NRG4: variants seen among roughly 807,000 people sequenced by gnomAD.
NRG4 encodes the protein neuregulin 4.
Under a neutral mutation model 15.0 loss-of-function variants are expected in NRG4, and 10 were observed. That is an observed-to-expected ratio of 0.67 (90% CI 0.41 to 1.13). The LOEUF is 1.13. Among genes scored for constraint, NRG4 ranks in the 50% most tolerant of loss-of-function variants. The pLI, the probability that NRG4 is intolerant of heterozygous loss-of-function variation, is 0.00. For missense variants in NRG4, 139 were observed against 140.2 expected, an observed-to-expected ratio of 0.99 and a Z score of 0.04; for synonymous variants, 41 against 50.1, an observed-to-expected ratio of 0.82 and a Z score of 0.77.
intron 3 of NRG4, among the ~76,000 whole-genome samples, chr15:75,993,947 T>G (rs1445061583): frequency 6.6e-6 from 1 of 152,184 alleles, no homozygotes; most frequent in Non-Finnish European, 1.5e-5. Context: ...TCCTTAAGAT[T>G]TAAAATTATT....
At chr15:76,009,112 C>A in intron 3 of NRG4, 88 bp downstream of exon 3, 1 of 765,236 alleles carries the variant, frequency 1.3e-6, no homozygotes, top group East Asian at 2.5e-5. Flanking sequence ...TCATCTTACA[C>A]TTTTTGTTTA....
At chr15:76,039,533 T>C (rs2035679541) in intron 4 of NRG4, among the ~76,000 whole-genome samples, 1 of 152,112 alleles carries the variant, frequency 6.6e-6, no homozygotes. Context: ...AGACAGAATT[T>C]GTGAGCTTGA....
intron 3 of NRG4, among the ~76,000 whole-genome samples, chr15:75,984,346 A>G (rs981249656): frequency 6.6e-6 from 1 of 152,080 alleles, no homozygotes; most frequent in Non-Finnish European, 1.5e-5. Flanking sequence ...TGTGAACCTA[A>G]AACTGCCCTT....
At chr15:75,974,977 G>C (rs1430314313) in intron 3 of NRG4, among the ~76,000 whole-genome samples, 1 of 152,064 alleles carries the variant, frequency 6.6e-6, no homozygotes, top group African/African-American at 2.4e-5. Context: ...ATTATTGTGT[G>C]GGAGTCTAAG....
At chr15:76,050,812 T>C (rs923331473) in intron 4 of NRG4, among the ~76,000 whole-genome samples, 1 of 147,678 alleles carries the variant, frequency 6.8e-6, no homozygotes, top group Admixed American at 6.7e-5. Flanking sequence ...AAACTAATTT[T>C]TTTTTTTTTA....
chr15:75,940,415 A>G (rs551998692), downstream of NRG4: 1 of 151,812 alleles, frequency 6.6e-6, no homozygotes, highest in Admixed American at 6.6e-5. Context: ...ACTCAAAGTG[A>G]TGTGCAGATT....
In NRG4 at chr15:75,943,548, G is replaced by A. The variant is rs1482147787; in HGVS notation, c.*90C>T. On this transcript the variant is annotated 3_prime_UTR_variant, in exon 6 of 6. Transcript: ENST00000394907. Reference sequence around the variant, plus strand: ...ACAAGCGTTTTATTTAAGAAATAAAGGATTAGATTTTTAATTCTTTTACCT... The same window carrying A: ...ACAAGCGTTTTATTTAAGAAATAAAAGATTAGATTTTTAATTCTTTTACCT... The A allele has an allele frequency of 7.5e-6, 6 of 802,828 alleles. No homozygotes were observed. Among genetic ancestry groups the A allele is most frequent in the Non-Finnish European group, 6.4e-6 (3 of 469,310 alleles). 49.7% of individuals were successfully genotyped at this position (802,828 alleles called of 1,614,324 possible).
intron 5 of NRG4, among the ~76,000 whole-genome samples, chr15:76,019,666 G>A (rs2035092277): frequency 6.6e-6 from 1 of 152,130 alleles, no homozygotes; most frequent in Admixed American, 6.5e-5. Context: ...GCCCTCTGTG[G>A]GCTGCACCCA....
chr15:76,054,160 T>C (rs750867309), intron 2 of NRG4, among the ~76,000 whole-genome samples: 10 of 150,480 alleles, frequency 6.6e-5, no homozygotes, highest in Non-Finnish European at 1.3e-4. Flanking sequence ...CAACCTTGGC[T>C]TACTGCAACC....
At chr15:75,987,168 A>G (rs2033828445) in intron 3 of NRG4, among the ~76,000 whole-genome samples, 9 of 152,198 alleles carry the variant, frequency 5.9e-5, no homozygotes, top group Admixed American at 5.9e-4. Flanking sequence ...TATTTCAATC[A>G]CTAACTCAGA....
At chr15:76,015,994 T>C (rs1002440153), upstream of NRG4, among the ~76,000 whole-genome samples, 2 of 152,210 alleles carry the variant, frequency 1.3e-5, no homozygotes, top group Non-Finnish European at 2.9e-5. Flanking sequence ...TTTTGGTTGG[T>C]AGGCTATTAA....
At chr15:75,975,950 C>G (rs1201608158) in intron 3 of NRG4, among the ~76,000 whole-genome samples, 2 of 152,158 alleles carry the variant, frequency 1.3e-5, no homozygotes, top group African/African-American at 2.4e-5. Context: ...AGAGTGTTTT[C>G]CAACTTGGTT....
Position 76,011,227 on chromosome 15 carries a change from G to T in NRG4, c.4C>A (p.Pro2Thr). The change falls in exon 2 of 6, where the codon CCA becomes ACA. Residue 2 changes from proline to threonine, a missense_variant. Transcript: ENST00000394907. ...TAAATATATAAGAAATTACCTGTTG[G>T]CATCTTAATTTGTAAATAGTTTCAT... MPTDHEEPCGPS... is the reference protein window; with the variant it reads MTTDHEEPCGPS... 1 of 1,449,222 alleles carries T rather than the reference G, an allele frequency of 6.9e-7. No individual in the cohort carries two copies. Among genetic ancestry groups the T allele is most frequent in the Non-Finnish European group, 9.2e-7 (1 of 1,091,558 alleles). The allele number at this position is 1,449,222 out of a possible 1,614,324, so 89.8% of individuals were successfully genotyped here.
intron 3 of NRG4, among the ~76,000 whole-genome samples, chr15:75,971,838 C>T (rs538489030): frequency 3.1e-4 from 47 of 152,120 alleles, no homozygotes; most frequent in African/African-American, 7.0e-4. Flanking sequence ...TACGTGTGCA[C>T]GTGCCTTTAT....
chr15:76,028,825 G>A lies in NRG4; in HGVS notation c.-57+7119C>T, dbSNP rs546560314. The stretch of plus-strand genomic sequence containing the variant: ...TGAGGCAGGAGAATTGCCTGAACCC[G>A]GGAGGGGAAGGTAGGTTGCAGTGAA... On this transcript the variant is annotated intron_variant, in intron 5 of 8. Transcript: ENST00000563910. 9.4e-4 allele frequency among the ~76,000 whole-genome samples: 142 copies of A among 151,220 alleles called. 4 individuals carry two copies. The highest frequency in any genetic ancestry group is 1.3e-4 in the Non-Finnish European group (9 of 67,776).
rs1302579888 is a variant in NRG4, at chr15:75,941,614, C to G, written c.*2024G>C. The G allele has an allele frequency of 6.6e-6, 1 of 152,120 alleles. No homozygotes were observed. Among genetic ancestry groups the G allele is most frequent in the African/African-American group, 2.4e-5 (1 of 41,422 alleles). The allele number at this position is 152,120 out of a possible 1,614,324, so 9.4% of individuals were successfully genotyped here. ...CATAAAAAGGAAATCCTTCTACATA[C>G]TACATCATGGATGAACCTTTCAGAC... On this transcript the variant is annotated 3_prime_UTR_variant, in exon 6 of 6. Coordinates refer to ENST00000394907, the MANE Select transcript of NRG4 (RefSeq NM_138573.4).
At chr15:76,052,623 T>C (rs1200491115) in intron 3 of NRG4, among the ~76,000 whole-genome samples, 1 of 151,136 alleles carries the variant, frequency 6.6e-6, no homozygotes, top group Non-Finnish European at 1.5e-5. Flanking sequence ...TCTTGTCATT[T>C]TAATAAGGTG....
intron 3 of NRG4, among the ~76,000 whole-genome samples, chr15:75,976,803 G>A (rs148377677): frequency 0.018 from 2,816 of 152,314 alleles, 45 homozygotes; most frequent in Middle Eastern, 0.058. Context: ...AGGAGGCATG[G>A]GGGTCAGGGA....
intron 3 of NRG4, among the ~76,000 whole-genome samples, chr15:75,975,219 C>A (rs1180044293): frequency 2.6e-5 from 4 of 152,054 alleles, no homozygotes; most frequent in African/African-American, 2.4e-5. Flanking sequence ...ATTCCTCCAT[C>A]CCTTTATTTT....
Sources: allele counts gnomAD v4.1 joint callset (sites outside exome capture counted in the v4.1 genomes callset), GRCh38; gene constraint gnomAD v4.1.1; transcripts MANE v1.5; gene names NCBI Gene and HGNC (gene_info 2026-07-23, HGNC 2026-07-21).